Variants in KIF26B observed in about 807,000 individuals in gnomAD.
KIF26B encodes kinesin family member 26B.
A neutral mutation model predicts 151.2 loss-of-function variants in KIF26B; 63 were observed. The observed-to-expected ratio is 0.42, with a 90% CI of 0.34 to 0.51. The LOEUF (loss-of-function observed/expected upper bound fraction) is 0.51, where lower values mean the gene tolerates loss of function less well. Ranked by LOEUF, KIF26B falls within the 20% of genes least tolerant of loss-of-function variation. KIF26B has a pLI of 0.07. For synonymous variants in KIF26B, 1,357 were observed against 1,262.1 expected (o/e 1.08, Z -1.59); for missense variants, 2,813 against 2,913.6 (o/e 0.97, Z 0.79).
chr1:245,329,694 G>A (rs960063669), intron 2 of KIF26B, among the ~76,000 whole-genome samples: 1 of 152,132 alleles, frequency 6.6e-6, no homozygotes, highest in Non-Finnish European at 1.5e-5. Flanking sequence ...TCTCTCTCAT[G>A]TGTACCTTGA....
intron 2 of KIF26B, among the ~76,000 whole-genome samples, chr1:245,174,454 A>G (rs1213037898): frequency 1.3e-5 from 2 of 151,952 alleles, no homozygotes; most frequent in Non-Finnish European, 2.9e-5. Flanking sequence ...GGACAGAGAG[A>G]CCAAGAAACT....
chr1:245,425,475 C>G (rs535697743), intron 4 of KIF26B, among the ~76,000 whole-genome samples: 3 of 152,062 alleles, frequency 2.0e-5, no homozygotes, highest in African/African-American at 7.2e-5. Context: ...GGTGCAATCT[C>G]GGCTCACTGC....
intron 9 of KIF26B, 127 bp downstream of exon 9, chr1:245,612,103 TGTGAGAGA>T (rs1202298237): frequency 9.3e-5 from 37 of 397,622 alleles, no homozygotes; most frequent in Middle Eastern, 1.4e-3. Context: ...TGTGTGTGTG[TGTGAGAGA>T]GAGAGAGAGA....
At chr1:245,539,790 T>C (rs940670317) in intron 4 of KIF26B, among the ~76,000 whole-genome samples, 8 of 152,086 alleles carry the variant, frequency 5.3e-5, no homozygotes, top group African/African-American at 9.7e-5. Context: ...ATAGCTGGGA[T>C]TACAGGCATG....
chr1:245,190,451 A>G (rs746061403), intron 2 of KIF26B, among the ~76,000 whole-genome samples: 1 of 152,070 alleles, frequency 6.6e-6, no homozygotes, highest in Non-Finnish European at 1.5e-5. Flanking sequence ...GCAGCCTCAC[A>G]GGTGCCCATT....
intron 9 of KIF26B, chr1:245,614,683 GGCC>G (rs1258527701): frequency 2.6e-5 from 4 of 152,308 alleles, no homozygotes; most frequent in African/African-American, 9.6e-5. Flanking sequence ...CCAGGGAAGT[GGCC>G]CATTAGCTTG....
intron 4 of KIF26B, among the ~76,000 whole-genome samples, chr1:245,499,200 G>A (rs994662192): frequency 6.6e-6 from 1 of 152,066 alleles, no homozygotes; most frequent in Non-Finnish European, 1.5e-5. Flanking sequence ...TGTCCTTAGC[G>A]TTGACTCATA....
At chr1:245,492,747 T>G (rs990398306) in intron 4 of KIF26B, among the ~76,000 whole-genome samples, 1 of 152,184 alleles carries the variant, frequency 6.6e-6, no homozygotes, top group Admixed American at 6.5e-5. Flanking sequence ...AAACCTTGTT[T>G]CCAGGTCATG....
Position 245,246,040 on chromosome 1 carries a change from C to T in KIF26B, c.465+89357C>T, listed in dbSNP as rs1207077860. ...CTGGGAGGCGGAGCTTGCCATGAGC[C>T]GAGATCGTGCCACTGCACTCCAGCC... On this transcript the variant is annotated intron_variant, in intron 2 of 14. Coordinates refer to ENST00000407071, the MANE Select transcript of KIF26B (RefSeq NM_018012.4). Among the ~76,000 whole-genome samples, 5 of 150,504 alleles carry T rather than the reference C, an allele frequency of 3.3e-5. No homozygotes were observed. In the East Asian group the frequency reaches 5.9e-4, roughly 18 times the overall value.
At chr1:245,325,096 AAAAAAAAAAAAAAAAG>A in intron 2 of KIF26B, among the ~76,000 whole-genome samples, 1 of 63,622 alleles carries the variant, frequency 1.6e-5, no homozygotes, top group African/African-American at 5.4e-4. Flanking sequence ...CCTTGTCTCA[AAAAAAAAAAAAAAAAG>A]AAAAAAAGAA....
In KIF26B at chr1:245,227,305, A is replaced by G. The variant is rs755676331; in HGVS notation, c.465+70622A>G. On this transcript the variant is annotated intron_variant, in intron 2 of 14. Transcript: ENST00000407071. This position sits in a 1 kb window ranked among gnomAD's most constrained non-coding sequence, Gnocchi z 4.1. ...TCCACAGCCAGAGGATTTCAAGTCT[A>G]TAATGTTGCTAAAATTAGCAGTGTA... Among the ~76,000 whole-genome samples, 4 of 152,216 alleles carry G rather than the reference A, an allele frequency of 2.6e-5. No homozygotes were observed. Among genetic ancestry groups the G allele is most frequent in the Non-Finnish European group, 5.9e-5 (4 of 68,038 alleles).
At chr1:245,173,752 C>A (rs139173848) in intron 2 of KIF26B, among the ~76,000 whole-genome samples, 2 of 152,172 alleles carry the variant, frequency 1.3e-5, no homozygotes, top group Middle Eastern at 3.4e-3. Flanking sequence ...ATGCAGGAGT[C>A]CCCCCCACCT....
chr1:245,498,972 C>T (rs1381300907), intron 4 of KIF26B, among the ~76,000 whole-genome samples: 1 of 152,132 alleles, frequency 6.6e-6, no homozygotes, highest in Non-Finnish European at 1.5e-5. Context: ...GGAAAATTGG[C>T]AAGTGTTCTT....
At chr1:245,363,170 GCATCTATGGCT>G (rs1672862318) in intron 2 of KIF26B, among the ~76,000 whole-genome samples, 1 of 152,172 alleles carries the variant, frequency 6.6e-6, no homozygotes, top group Non-Finnish European at 1.5e-5. Flanking sequence ...ATAATTCGAG[GCATCTATGGCT>G]CTGAAGACTT....
chr1:245,260,777 C>T (rs1190789047), intron 2 of KIF26B, among the ~76,000 whole-genome samples: 1 of 152,208 alleles, frequency 6.6e-6, no homozygotes, highest in Non-Finnish European at 1.5e-5. Context: ...GCTCAACCCA[C>T]ACAGACAGAA....
At chr1:245,662,434 CG>C (rs1558257350) in intron 10 of KIF26B, among the ~76,000 whole-genome samples, 3 of 51,878 alleles carry the variant, frequency 5.8e-5, no homozygotes, top group African/African-American at 3.1e-4. Context: ...TACACATACC[CG>C]ATATATATAT....
At chr1:245,493,720 TAG>T (rs1417658501) in intron 4 of KIF26B, among the ~76,000 whole-genome samples, 1 of 152,178 alleles carries the variant, frequency 6.6e-6, no homozygotes. Flanking sequence ...AAGGGAACTA[TAG>T]AGAGTGGAGA....
intron 3 of KIF26B, among the ~76,000 whole-genome samples, chr1:245,396,235 C>T (rs1000265011): frequency 9.2e-5 from 14 of 152,134 alleles, no homozygotes; most frequent in South Asian, 6.2e-4. Context: ...GACTTCTCTC[C>T]GGTGCTCCAA....
intron 2 of KIF26B, among the ~76,000 whole-genome samples, chr1:245,164,371 C>T (rs1668581519): frequency 6.6e-6 from 1 of 152,150 alleles, no homozygotes; most frequent in African/African-American, 2.4e-5. Flanking sequence ...ATTGTTTTTG[C>T]TTTGATATTC....
Sources: allele counts gnomAD v4.1 joint callset (sites outside exome capture counted in the v4.1 genomes callset), GRCh38; gene constraint gnomAD v4.1.1; non-coding constraint Gnocchi (gnomAD v3.1); transcripts MANE v1.5; gene names NCBI Gene and HGNC (gene_info 2026-07-23, HGNC 2026-07-21).